The following ADAM12 variants were observed in gnomAD, a reference collection of about 807,000 sequenced individuals.
ADAM12 encodes the protein ADAM metallopeptidase domain 12.
A neutral mutation model predicts 106.4 loss-of-function variants in ADAM12; 70 were observed. The ratio of observed to expected loss-of-function variants is 0.66; its 90% confidence interval spans 0.54 to 0.80. The LOEUF (loss-of-function observed/expected upper bound fraction) is 0.80, where lower values mean the gene tolerates loss of function less well. Among genes scored for constraint, ADAM12 ranks in the 30% least tolerant of loss-of-function variants. ADAM12 has a pLI of 0.00. For synonymous variants in ADAM12, 420 were observed against 433.5 expected (o/e 0.97, Z 0.39); for missense variants, 1,010 against 1,171.9 (o/e 0.86, Z 2.02).
chr10:126,343,805 C>G (rs1487857023), intron 1 of ADAM12, among the ~76,000 whole-genome samples: 2 of 152,116 alleles, frequency 1.3e-5, no homozygotes, highest in African/African-American at 4.8e-5. Context: ...TTTCATGTGT[C>G]TGTTAGCTGC....
At chr10:126,343,039 TA>T (rs1474223111) in intron 1 of ADAM12, among the ~76,000 whole-genome samples, 1 of 152,178 alleles carries the variant, frequency 6.6e-6, no homozygotes, top group African/African-American at 2.4e-5. Flanking sequence ...CCAATCATTA[TA>T]TTTTTTTCTT....
intron 3 of ADAM12, among the ~76,000 whole-genome samples, chr10:126,206,860 C>CCAGGG (rs1957806969): frequency 1.0e-5 from 1 of 97,834 alleles, no homozygotes; most frequent in Non-Finnish European, 2.1e-5. Flanking sequence ...GTTGTGGGGG[C>CCAGGG]GGGGGGGAGC....
At chr10:126,211,072 CCT>C (rs2133836556) in intron 3 of ADAM12, among the ~76,000 whole-genome samples, 1 of 152,266 alleles carries the variant, frequency 6.6e-6, no homozygotes, top group East Asian at 1.9e-4. Context: ...CCTCTCTCTT[CCT>C]CTGTTTGGGG....
At chr10:126,247,892 G>A (rs1391670352) in intron 3 of ADAM12, among the ~76,000 whole-genome samples, 4 of 152,208 alleles carry the variant, frequency 2.6e-5, no homozygotes, top group African/African-American at 9.7e-5. Flanking sequence ...CTGGGATCCT[G>A]TGGCTCCACG....
intron 9 of ADAM12, 111 bp from the exon 10 acceptor site, chr10:126,098,611 A>G (rs968576849): frequency 4.5e-6 from 4 of 884,284 alleles, no homozygotes; most frequent in Non-Finnish European, 7.3e-6. Flanking sequence ...AAATAAAAAT[A>G]GCTGTATGAG....
intron 3 of ADAM12, among the ~76,000 whole-genome samples, chr10:126,255,114 T>C (rs1489311925): frequency 6.6e-6 from 1 of 152,174 alleles, no homozygotes; most frequent in African/African-American, 2.4e-5. Context: ...TCTGCTGACT[T>C]GTCCTGCAAT....
At chr10:126,246,910 G>C (rs1958641420) in intron 3 of ADAM12, among the ~76,000 whole-genome samples, 2 of 152,110 alleles carry the variant, frequency 1.3e-5, no homozygotes, top group Admixed American at 6.5e-5. Flanking sequence ...AGTATTAAAG[G>C]GCATCCAAAT....
chr10:126,204,532 G>A (rs537953246), intron 3 of ADAM12, among the ~76,000 whole-genome samples: 32 of 152,338 alleles, frequency 2.1e-4, no homozygotes, highest in African/African-American at 6.3e-4. Flanking sequence ...GCAGATTCCC[G>A]CTTCATGCCC....
chr10:126,292,384 A>T (rs1460083242), intron 2 of ADAM12, among the ~76,000 whole-genome samples: 2 of 152,074 alleles, frequency 1.3e-5, no homozygotes, highest in Non-Finnish European at 2.9e-5. Context: ...GTACCTCCAC[A>T]GTTCCTTCTA....
Position 126,026,646 on chromosome 10 carries a change from C to T in ADAM12, c.2530-6821G>A, listed in dbSNP as rs150150656. On this transcript the variant is annotated intron_variant, in intron 21 of 22. Coordinates refer to ENST00000448723, the MANE Select transcript of ADAM12 (RefSeq NM_001288973.2). ...TCAAAACCACACAACTCCATGGAAC[C>T]TGAACAACCTGCTCCTGAATGACTC... is the stretch of plus-strand genomic sequence containing the variant. 2.6e-4 allele frequency among the ~76,000 whole-genome samples: 40 copies of T among 152,240 alleles called. No homozygotes were observed. In the East Asian group the frequency reaches 7.5e-3, roughly 29 times the overall value.
At chr10:126,250,834 T>C (rs1958731815) in intron 3 of ADAM12, among the ~76,000 whole-genome samples, 1 of 152,252 alleles carries the variant, frequency 6.6e-6, no homozygotes, top group African/African-American at 2.4e-5. Context: ...TATTCGTATT[T>C]CTAATTTTTA....
chr10:126,215,913 T>C lies in ADAM12; in HGVS notation c.261-60608A>G, dbSNP rs186488144. On this transcript the variant is annotated intron_variant, in intron 3 of 22. Transcript: ENST00000448723. ...ACTAGTGAGAGCTCACGAGTTGCCC[T>C]TGTTTTCTGGCTAAAGGCTTTATGC... is the stretch of plus-strand genomic sequence containing the variant. Among the ~76,000 whole-genome samples, 29 of 152,300 alleles carry C rather than the reference T, an allele frequency of 1.9e-4. No individual in the cohort carries two copies. In the South Asian group the frequency reaches 3.7e-3, roughly 20 times the overall value.
rs952274012 is a variant in ADAM12, at chr10:126,043,991, G to A, written c.1996-843C>T. Among the ~76,000 whole-genome samples, 2 of 152,174 alleles carry A rather than the reference G, an allele frequency of 1.3e-5. No individual in the cohort carries two copies. The highest frequency in any genetic ancestry group is 2.9e-5 in the Non-Finnish European group (2 of 68,034). Reference sequence around the variant, plus strand: ...GGGGCCAGCAGCCCCTGCCCACCTGGTTACCAAGGGCTACTGATGGCGGCC... The same window carrying A: ...GGGGCCAGCAGCCCCTGCCCACCTGATTACCAAGGGCTACTGATGGCGGCC... On this transcript the variant is annotated intron_variant, in intron 17 of 22. Coordinates refer to ENST00000448723, the MANE Select transcript of ADAM12 (RefSeq NM_001288973.2). This position sits in a 1 kb window ranked among gnomAD's most constrained non-coding sequence, Gnocchi z 4.1.
chr10:126,254,635 T>C (rs1958854014), intron 3 of ADAM12, among the ~76,000 whole-genome samples: 1 of 152,090 alleles, frequency 6.6e-6, no homozygotes, highest in African/African-American at 2.4e-5. Flanking sequence ...ACTGCTGTTC[T>C]TCCTTCCTTC....
chr10:126,133,046 C>G (rs900647462), intron 5 of ADAM12, among the ~76,000 whole-genome samples: 1 of 152,278 alleles, frequency 6.6e-6, no homozygotes, highest in East Asian at 1.9e-4. Context: ...TCCTCAAATC[C>G]TATCCTGATC....
chr10:126,093,351 T>C (rs1005454174), intron 11 of ADAM12, among the ~76,000 whole-genome samples: 2 of 152,242 alleles, frequency 1.3e-5, no homozygotes, highest in African/African-American at 4.8e-5. Context: ...TGCTCTTTTC[T>C]GGTTGAACCA....
intron 13 of ADAM12, 41 bp from the exon 14 acceptor site, chr10:126,065,042 A>G (rs1954839272): frequency 1.3e-6 from 2 of 1,564,622 alleles, no homozygotes; most frequent in Non-Finnish European, 8.7e-7. Flanking sequence ...CACCCGGGGA[A>G]AGGGAGAGGC....
intron 1 of ADAM12, among the ~76,000 whole-genome samples, chr10:126,331,233 C>T (rs1854501098): frequency 6.6e-6 from 1 of 152,170 alleles, no homozygotes; most frequent in African/African-American, 2.4e-5. Context: ...AACAAATACG[C>T]TAATTTCTCT....
intron 3 of ADAM12, among the ~76,000 whole-genome samples, chr10:126,237,006 C>T (rs1565158069): frequency 6.6e-6 from 1 of 152,180 alleles, no homozygotes; most frequent in Non-Finnish European, 1.5e-5. Context: ...ATTGCCCATT[C>T]TAAACAACAT....
Sources: allele counts gnomAD v4.1 joint callset (sites outside exome capture counted in the v4.1 genomes callset), GRCh38; gene constraint gnomAD v4.1.1; non-coding constraint Gnocchi (gnomAD v3.1); transcripts MANE v1.5; gene names NCBI Gene and HGNC (gene_info 2026-07-23, HGNC 2026-07-21).